SLC43A2: variants seen among roughly 807,000 people sequenced by gnomAD.
SLC43A2 encodes solute carrier family 43 member 2.
Under a neutral mutation model 63.2 loss-of-function variants are expected in SLC43A2, and 38 were observed. The ratio of observed to expected loss-of-function variants is 0.60; its 90% CI spans 0.46 to 0.79. SLC43A2 has a LOEUF of 0.79. Among genes scored for constraint, SLC43A2 ranks in the 30% least tolerant of loss-of-function variants. The probability of loss-of-function intolerance (pLI) is 0.00; values close to 1 mark genes in which losing one functional copy is unlikely to be tolerated. For missense variants in SLC43A2, 644 were observed against 756.2 expected (o/e 0.85, Z 1.74); for synonymous variants, 322 against 331.0 (o/e 0.97, Z 0.30).
At chr17:1,594,831 G>T (rs771017726) in intron 5 of SLC43A2, among the ~76,000 whole-genome samples, 1 of 151,476 alleles carries the variant, frequency 6.6e-6, no homozygotes, top group Non-Finnish European at 1.5e-5. Context: ...CTCGTGATCC[G>T]CCCGCCTTGG....
chr17:1,622,647 CT>C (rs1167127146), intron 2 of SLC43A2, among the ~76,000 whole-genome samples: 1 of 151,952 alleles, frequency 6.6e-6, no homozygotes, highest in Non-Finnish European at 1.5e-5. Flanking sequence ...GGCGCAGTGG[CT>C]CACGCCTGTA....
intron 2 of SLC43A2, among the ~76,000 whole-genome samples, chr17:1,619,672 T>G (rs1014673790): frequency 2.0e-5 from 3 of 152,162 alleles, no homozygotes; most frequent in African/African-American, 7.2e-5. Flanking sequence ...GCTTTGTGAG[T>G]TGGTGTTGGT....
chr17:1,575,508 G>A lies in SLC43A2; in HGVS notation c.*96C>T, dbSNP rs1001051323. The A allele has an allele frequency of 1.6e-5, 25 of 1,519,680 alleles. No individual in the cohort carries two copies. The highest frequency in any genetic ancestry group is 1.8e-5 in the Non-Finnish European group (20 of 1,098,610). The allele number at this position is 1,519,680 out of a possible 1,614,324, so 94.1% of individuals were successfully genotyped here. A position where few individuals can be genotyped will look rare whatever the true frequency, so the allele number is the denominator to read the frequency against. ...GCGTGAACGCTGGCACGGAGACGGC[G>A]AAGGTCCTGGGGGTGCGTGGGGTAC... On this transcript the variant is annotated 3_prime_UTR_variant, in exon 14 of 14. Transcript: ENST00000301335.
chr17:1,587,085 A>ACACTGCATTTCCCG (rs1567617178), intron 9 of SLC43A2: 8 of 696,938 alleles, frequency 1.1e-5, no homozygotes, highest in East Asian at 3.1e-5. Flanking sequence ...TGCATTTCCC[A>ACACTGCATTTCCCG]CACTGCGTTT....
At chr17:1,621,806 A>C (rs1279876629) in intron 2 of SLC43A2, among the ~76,000 whole-genome samples, 1 of 152,222 alleles carries the variant, frequency 6.6e-6, no homozygotes, top group East Asian at 1.9e-4. Context: ...CAGACCCCAA[A>C]GCTCCCGCTC....
At chr17:1,618,714 G>A (rs1400038211) in intron 2 of SLC43A2, among the ~76,000 whole-genome samples, 1 of 152,268 alleles carries the variant, frequency 6.6e-6, no homozygotes, top group African/African-American at 2.4e-5. Flanking sequence ...GCCAGGTGTG[G>A]CGGCTCATGC....
At chr17:1,622,497 G>A (rs35833132) in intron 2 of SLC43A2, among the ~76,000 whole-genome samples, 5,665 of 151,888 alleles carry the variant, frequency 0.037, 126 homozygotes, top group Non-Finnish European at 0.06. Flanking sequence ...CCCGGGAGGC[G>A]GAGGTTGCGG....
rs1321964429 is a variant in SLC43A2, at chr17:1,605,324, C to A, written c.501+7871G>T. On this transcript the variant is annotated intron_variant, in intron 5 of 13. Coordinates refer to ENST00000301335, the MANE Select transcript of SLC43A2 (RefSeq NM_152346.3). This position sits in a 1 kb window ranked among gnomAD's most constrained non-coding sequence, Gnocchi z 4.9. The stretch of plus-strand genomic sequence containing the variant: ...AAACAGCAGCTGCAGGCGGCCCCTC[C>A]CCTGGCATTCTGGCCATAGAGCATG... 23 of 753,754 alleles carry A rather than the reference C, an allele frequency of 3.1e-5. No homozygotes were observed. The highest frequency in any genetic ancestry group is 3.6e-5 in the Non-Finnish European group (22 of 606,438). 46.7% of individuals were successfully genotyped at this position (753,754 alleles called of 1,614,324 possible). A position where few individuals can be genotyped will look rare whatever the true frequency, so the allele number is the denominator to read the frequency against.
Position 1,605,661 on chromosome 17 carries a change from G to C in SLC43A2, c.501+7534C>G, listed in dbSNP as rs554235155. 6.6e-6 allele frequency among the ~76,000 whole-genome samples: 1 copy of C among 152,228 alleles called. No homozygotes were observed. The highest frequency in any genetic ancestry group is 2.4e-5 in the African/African-American group (1 of 41,544). On this transcript the variant is annotated intron_variant, in intron 5 of 13. Transcript: ENST00000301335. This position sits in a 1 kb window ranked among gnomAD's most constrained non-coding sequence, Gnocchi z 4.9. Reference sequence around the variant, plus strand: ...CATTCTGGCCCTCGGGTCCCCTCCAGAGGGAGCCTTGTCCCCAAGTGGCTG... The same window carrying C: ...CATTCTGGCCCTCGGGTCCCCTCCACAGGGAGCCTTGTCCCCAAGTGGCTG...
At position 1,615,052 on chromosome 17, in the gene SLC43A2, C is replaced by G. The variant is rs72820352; in HGVS notation, c.369-18G>C. 1 of 1,613,472 alleles carries G rather than the reference C, an allele frequency of 6.2e-7. No individual in the cohort carries two copies. The highest frequency in any genetic ancestry group is 8.5e-7 in the Non-Finnish European group (1 of 1,179,754). ...AGCAGGCGCTAAAACCAAGCAGAAA[C>G]GCAATGTTATTTACCATTATGACTT... On this transcript the variant is annotated intron_variant, in intron 3 of 13. Coordinates refer to ENST00000301335, the MANE Select transcript of SLC43A2 (RefSeq NM_152346.3).
chr17:1,623,157 C>T (rs1908322446), intron 2 of SLC43A2, among the ~76,000 whole-genome samples: 1 of 152,212 alleles, frequency 6.6e-6, no homozygotes, highest in Non-Finnish European at 1.5e-5. Flanking sequence ...AGAGAAATCT[C>T]CTGTCCACAT....
rs1017791455 is a variant in SLC43A2, at chr17:1,593,002, C to T, written c.594+185G>A. Among the ~76,000 whole-genome samples, 3 of 152,216 alleles carry T rather than the reference C, an allele frequency of 2.0e-5. No individual in the cohort carries two copies. The highest frequency in any genetic ancestry group is 2.0e-4 in the Admixed American group (3 of 15,282). Reference sequence around the variant, plus strand: ...AGATCCTGCAGCCACATGCGTGATTCCCGTCCCCTGAGGCCCCGCGGTTTT... The same window carrying T: ...AGATCCTGCAGCCACATGCGTGATTTCCGTCCCCTGAGGCCCCGCGGTTTT... On this transcript the variant is annotated intron_variant, in intron 6 of 13. Coordinates refer to ENST00000301335, the MANE Select transcript of SLC43A2 (RefSeq NM_152346.3). The surrounding 1 kb of genome is among the most constrained non-coding windows in gnomAD (Gnocchi z 5.3).
At chr17:1,604,786 G>A (rs1248016923) in intron 5 of SLC43A2, 4 of 1,535,806 alleles carry the variant, frequency 2.6e-6, no homozygotes, top group East Asian at 2.4e-5. Context: ...CAGCGCCACA[G>A]CATCGGATGG....
intron 3 of SLC43A2, among the ~76,000 whole-genome samples, chr17:1,616,150 G>A (rs1049958844): frequency 2.0e-5 from 3 of 152,090 alleles, no homozygotes; most frequent in Non-Finnish European, 4.4e-5. Flanking sequence ...GAGCTATAAG[G>A]TCAAACGGGC....
intron 10 of SLC43A2, among the ~76,000 whole-genome samples, chr17:1,584,049 C>A (rs551966825): frequency 3.4e-4 from 51 of 152,114 alleles, no homozygotes; most frequent in African/African-American, 1.2e-3. Context: ...GCACGCGCCA[C>A]CTTACCCGGC....
chr17:1,604,598 T>G, intron 5 of SLC43A2: 1 of 813,912 alleles, frequency 1.2e-6, no homozygotes, highest in Non-Finnish European at 2.0e-6. Context: ...TGTGCAGAAC[T>G]CCTGGGCTCA....
At chr17:1,629,204 C>G (rs1219170179), upstream of SLC43A2, among the ~76,000 whole-genome samples, 1 of 151,752 alleles carries the variant, frequency 6.6e-6, no homozygotes, top group South Asian at 2.1e-4. Context: ...GGGCCACCAG[C>G]GCCCCCAGCC....
At position 1,590,843 on chromosome 17, in the gene SLC43A2, T is replaced by A. The variant is rs1455018683; in HGVS notation, c.1037A>T (p.Asn346Ile). Reference sequence around the variant, plus strand: ...GCTGACCAGGAACTTGAGGATGTTGTTCATAGCCCCCATGTAGAAGATGAG... The same window carrying A: ...GCTGACCAGGAACTTGAGGATGTTGATCATAGCCCCCATGTAGAAGATGAG... ...LRLIFYMGAM[N>I]NILKFLVSGD... The change falls in exon 9 of 14, where the codon AAC becomes ATC. Residue 346 changes from asparagine (N) to isoleucine (I), a missense_variant. This residue lies in a region of SLC43A2 where 528 missense variants were observed against 623.6 expected (regional missense o/e 0.85). Coordinates refer to ENST00000301335, the MANE Select transcript of SLC43A2 (RefSeq NM_152346.3). The A allele has an allele frequency of 6.4e-7, 1 of 1,556,254 alleles. No homozygotes were observed. Among genetic ancestry groups the A allele is most frequent in the Non-Finnish European group, 8.7e-7 (1 of 1,149,082 alleles).
In SLC43A2 at chr17:1,578,193, C is replaced by A; in HGVS notation, c.1424+57G>T. ...GAGTCTCAGTCCCACCAGCAACCTC[C>A]CCCCGGCCATTCCCACACCCTCGCC... On this transcript the variant is annotated intron_variant, in intron 12 of 13. Coordinates refer to ENST00000301335, the MANE Select transcript of SLC43A2 (RefSeq NM_152346.3). This position sits in a 1 kb window ranked among gnomAD's most constrained non-coding sequence, Gnocchi z 6.5. 4 of 1,562,396 alleles carry A rather than the reference C, an allele frequency of 2.6e-6. No individual in the cohort carries two copies. The highest frequency in any genetic ancestry group is 3.5e-6 in the Non-Finnish European group (4 of 1,136,502).
Sources: allele counts gnomAD v4.1 joint callset (sites outside exome capture counted in the v4.1 genomes callset), GRCh38; gene constraint gnomAD v4.1.1; regional missense constraint gnomAD v4.1.1; non-coding constraint Gnocchi (gnomAD v3.1); transcripts MANE v1.5; gene names NCBI Gene and HGNC (gene_info 2026-07-23, HGNC 2026-07-21).